SLC26A5: variants seen among roughly 807,000 people sequenced by gnomAD.
The protein encoded by SLC26A5 is prestin.
A neutral mutation model predicts 81.0 loss-of-function variants in SLC26A5; 51 were observed. That is an observed-to-expected ratio of 0.63 (90% CI 0.50 to 0.80). SLC26A5 has a LOEUF of 0.80. SLC26A5 is among the 30% of genes least tolerant of loss of function. The pLI, the probability that SLC26A5 is intolerant of heterozygous loss-of-function variation, is 0.00. For synonymous variants in SLC26A5, 325 were observed against 332.8 expected (o/e 0.98, Z 0.25); for missense variants, 771 against 905.8 (o/e 0.85, Z 1.91).
chr7:103,375,422 G>A (rs750708231), intron 19 of SLC26A5, among the ~76,000 whole-genome samples: 2 of 152,052 alleles, frequency 1.3e-5, no homozygotes, highest in Non-Finnish European at 2.9e-5. Flanking sequence ...ATGTTAGTCT[G>A]CCCTCCATAG....
chr7:103,435,385 G>C (rs563397729), intron 2 of SLC26A5, among the ~76,000 whole-genome samples: 3 of 152,082 alleles, frequency 2.0e-5, no homozygotes, highest in Non-Finnish European at 2.9e-5. Context: ...ATAAATTAAG[G>C]ATTTCGTTTG....
At chr7:103,352,908 G>C in exon 20 of SLC26A5, 1 of 780,770 alleles carries the variant, frequency 1.3e-6, no homozygotes, top group Non-Finnish European at 2.4e-6. Context: ...TCCATCTTCT[G>C]GTCATCTCTG....
At chr7:103,382,479 A>G (rs1191061765) in intron 14 of SLC26A5, among the ~76,000 whole-genome samples, 1 of 150,860 alleles carries the variant, frequency 6.6e-6, no homozygotes, top group African/African-American at 2.4e-5. Flanking sequence ...CCTCCCAAGC[A>G]GCTGGGATTA....
intron 2 of SLC26A5, among the ~76,000 whole-genome samples, chr7:103,436,377 A>T (rs1317312369): frequency 1.3e-5 from 2 of 152,176 alleles, no homozygotes; most frequent in African/African-American, 4.8e-5. Context: ...TAACAAAATC[A>T]GGCTTATGAT....
At chr7:103,436,312 G>A (rs1826450172) in intron 2 of SLC26A5, among the ~76,000 whole-genome samples, 1 of 152,120 alleles carries the variant, frequency 6.6e-6, no homozygotes, top group South Asian at 2.1e-4. Flanking sequence ...TGAGAATCCT[G>A]AGATTTGAGA....
At chr7:103,420,945 AG>A (rs1825298058) in intron 3 of SLC26A5, 68 bp from the exon 4 acceptor site, 1 of 1,516,736 alleles carries the variant, frequency 6.6e-7, no homozygotes, top group African/African-American at 1.4e-5. Flanking sequence ...TTCAAACCAA[AG>A]CATTTTCCCT....
At chr7:103,410,609 C>A (rs959256878) in intron 6 of SLC26A5, 60 bp from the exon 7 acceptor site, 3 of 1,452,624 alleles carry the variant, frequency 2.1e-6, no homozygotes, top group Admixed American at 1.9e-5. Flanking sequence ...GAAGTTATGA[C>A]CCACAGCAAA....
At chr7:103,390,800 C>T (rs1822578886) in intron 11 of SLC26A5, among the ~76,000 whole-genome samples, 2 of 151,922 alleles carry the variant, frequency 1.3e-5, no homozygotes, top group African/African-American at 4.8e-5. Flanking sequence ...ACAAGGGCCA[C>T]CAGAAGAGTT....
chr7:103,357,385 A>G (rs1360754756), intron 19 of SLC26A5, among the ~76,000 whole-genome samples: 3 of 151,688 alleles, frequency 2.0e-5, no homozygotes, highest in South Asian at 4.1e-4. Flanking sequence ...GTATTTCCCA[A>G]TTTCTCTTCC....
At chr7:103,379,429 A>T in intron 15 of SLC26A5, 94 bp from the exon 16 acceptor site, 1 of 804,160 alleles carries the variant, frequency 1.2e-6, no homozygotes, top group Non-Finnish European at 2.1e-6. Context: ...ATGAATGCAG[A>T]AGTTGCTAAG....
intron 14 of SLC26A5, among the ~76,000 whole-genome samples, chr7:103,382,259 A>G (rs1450687584): frequency 6.6e-6 from 1 of 151,854 alleles, no homozygotes; most frequent in African/African-American, 2.4e-5. Context: ...GGGCGTGGGG[A>G]GAAAATGAAA....
intron 2 of SLC26A5, among the ~76,000 whole-genome samples, chr7:103,424,238 C>T (rs1461211179): frequency 1.3e-5 from 2 of 152,198 alleles, no homozygotes; most frequent in Non-Finnish European, 2.9e-5. Flanking sequence ...TTCTGCTTTT[C>T]TGTGAGGTCT....
chr7:103,365,971 G>C, intron 19 of SLC26A5: 1 of 881,196 alleles, frequency 1.1e-6, no homozygotes, highest in Non-Finnish European at 1.8e-6. Context: ...TAATGGGTGA[G>C]AATACTGTTA....
chr7:103,391,214 C>T (rs1822623804), intron 11 of SLC26A5, among the ~76,000 whole-genome samples: 1 of 152,220 alleles, frequency 6.6e-6, no homozygotes, highest in Admixed American at 6.5e-5. Flanking sequence ...GAACTAACCA[C>T]ATTTCAAGTG....
At chr7:103,409,284 T>C (rs1430753542) in intron 7 of SLC26A5, among the ~76,000 whole-genome samples, 2 of 152,230 alleles carry the variant, frequency 1.3e-5, no homozygotes, top group East Asian at 3.8e-4. Context: ...TAGCAGTGTC[T>C]GGCACATAAA....
downstream of SLC26A5, among the ~76,000 whole-genome samples, chr7:103,369,630 G>C (rs532833800): frequency 6.4e-4 from 98 of 152,134 alleles, no homozygotes; most frequent in Non-Finnish European, 1.2e-3. Flanking sequence ...ACATTGCCTA[G>C]GTCAGCATGT....
chr7:103,427,019 C>T (rs761053568), intron 2 of SLC26A5, among the ~76,000 whole-genome samples: 6 of 151,964 alleles, frequency 3.9e-5, no homozygotes, highest in Non-Finnish European at 5.9e-5. Flanking sequence ...AGGTCCATTT[C>T]GCCACAGGCA....
At chr7:103,423,107 A>G (rs2116738811) in intron 2 of SLC26A5, among the ~76,000 whole-genome samples, 1 of 151,408 alleles carries the variant, frequency 6.6e-6, no homozygotes, top group Non-Finnish European at 1.5e-5. Context: ...ACTAAAAAAA[A>G]AAAAAAAAAA....
Position 103,397,957 on chromosome 7 carries a change from C to T in SLC26A5, c.946G>A (p.Asp316Asn), listed in dbSNP as rs1278986731. 1.9e-6 allele frequency: 3 copies of T among 1,614,036 alleles called. No homozygotes were observed. The highest frequency in any genetic ancestry group is 2.2e-5 in the South Asian group (2 of 91,080). ...GFNLKESYNV[D>N]VVGTLPLGLL... ...CCTAGAGGAAGTGTTCCAACGACAT[C>T]CACATTGTATGATTCTTTCAAGTTA... The change falls in exon 9 of 20, where the codon GAT (aspartate) becomes AAT (asparagine). Residue 316 changes from aspartate to asparagine, a missense_variant. Transcript: ENST00000306312.
Sources: allele counts gnomAD v4.1 joint callset (sites outside exome capture counted in the v4.1 genomes callset), GRCh38; gene constraint gnomAD v4.1.1; transcripts MANE v1.5; gene names NCBI Gene and HGNC (gene_info 2026-07-23, HGNC 2026-07-21).